RGS3: variants seen among roughly 807,000 people sequenced by gnomAD.
RGS3 encodes regulator of G protein signaling 3.
Under a neutral mutation model 132.6 loss-of-function variants are expected in RGS3, and 80 were observed. The observed-to-expected ratio is 0.60, with a 90% CI of 0.50 to 0.73. RGS3 has a LOEUF of 0.73. RGS3 is among the 30% of genes least tolerant of loss of function. The pLI, the probability that RGS3 is intolerant of heterozygous loss-of-function variation, is 0.00. For missense variants in RGS3, 1,382 were observed against 1,530.8 expected (o/e 0.90, Z 1.62); for synonymous variants, 598 against 620.6 (o/e 0.96, Z 0.54).
intron 19 of RGS3, among the ~76,000 whole-genome samples, chr9:113,539,623 G>A (rs565757115): frequency 2.0e-5 from 3 of 152,174 alleles, no homozygotes; most frequent in African/African-American, 7.2e-5. Flanking sequence ...GGAAAACACT[G>A]CCTAGACCCC....
rs531138472 is a variant in RGS3 at position 113,512,635 on chromosome 9, T to C, written c.1478-1823T>C. Among the ~76,000 whole-genome samples the C allele has an allele frequency of 2.0e-5, 3 of 152,244 alleles. No individual in the cohort carries two copies. The East Asian group carries it at 5.8e-4, about 29-fold the overall frequency. On this transcript the variant is annotated intron_variant, in intron 14 of 24. Transcript: ENST00000350696. ...GTTGGTGGGGAGCTTCCCTGAGGTA[T>C]AGCTGGGGTCAGGCCACCTGTTCCC...
intron 1 of RGS3, among the ~76,000 whole-genome samples, chr9:113,452,985 A>G (rs1829283592): frequency 7.5e-6 from 1 of 134,058 alleles, no homozygotes; most frequent in Non-Finnish European, 1.5e-5. Context: ...TATACATAAT[A>G]TATAATATAT....
In RGS3 at chr9:113,463,730, G is replaced by T; in HGVS notation, c.415+1529G>T. 1 of 1,513,446 alleles carries T rather than the reference G, an allele frequency of 6.6e-7. No homozygotes were observed. 93.8% of individuals were successfully genotyped at this position (1,513,446 alleles called of 1,614,324 possible). ...CCGCTCGCGCTCCTCCCGCCCTGGA[G>T]ACTCCGGTTACTGGGGAGCAACACA... is the stretch of plus-strand genomic sequence containing the variant. On this transcript the variant is annotated intron_variant, in intron 3 of 24. Coordinates refer to ENST00000350696, the Ensembl canonical transcript of RGS3. This position sits in a 1 kb window ranked among gnomAD's most constrained non-coding sequence, Gnocchi z 4.6.
In RGS3 at chr9:113,463,868, C is replaced by T. The variant is rs775997739; in HGVS notation, c.415+1667C>T. ...GTGCCCACCCGGACTTGTCCTTCTA[C>T]CTCACCACCTTTGGTAAGTGCCCGC... On this transcript the variant is annotated intron_variant, in intron 3 of 24. Coordinates refer to ENST00000350696, the Ensembl canonical transcript of RGS3. The surrounding 1 kb of genome is among the most constrained non-coding windows in gnomAD (Gnocchi z 4.6). The T allele has an allele frequency of 5.0e-6, 8 of 1,613,182 alleles. No individual in the cohort carries two copies. The highest frequency in any genetic ancestry group is 6.8e-6 in the Non-Finnish European group (8 of 1,179,810).
At chr9:113,559,967 C>T (rs1310755717) in intron 19 of RGS3, among the ~76,000 whole-genome samples, 2 of 152,228 alleles carry the variant, frequency 1.3e-5, no homozygotes, top group Admixed American at 1.3e-4. Flanking sequence ...GTGTACCAGG[C>T]ATTCCACATA....
At chr9:113,444,957 C>T (rs140808318) in intron 1 of RGS3, 1 of 152,274 alleles carries the variant, frequency 6.6e-6, no homozygotes, top group Non-Finnish European at 1.5e-5. Flanking sequence ...ATTTCCCCAC[C>T]ATCTGGGCCT....
At chr9:113,447,000 G>A (rs1007719620) in intron 1 of RGS3, among the ~76,000 whole-genome samples, 9 of 151,712 alleles carry the variant, frequency 5.9e-5, no homozygotes, top group Admixed American at 4.6e-4. Flanking sequence ...GGTGGCTCAC[G>A]CCTGTAATCC....
Position 113,463,645 on chromosome 9 carries a change from G to A in RGS3, c.415+1444G>A. 8.3e-7 allele frequency: 1 copy of A among 1,200,362 alleles called. No homozygotes were observed. The highest frequency in any genetic ancestry group is 1.0e-6 in the Non-Finnish European group (1 of 952,546). 74.4% of individuals were successfully genotyped at this position (1,200,362 alleles called of 1,614,324 possible). On this transcript the variant is annotated intron_variant, in intron 3 of 24. Coordinates refer to ENST00000350696, the Ensembl canonical transcript of RGS3. This position sits in a 1 kb window ranked among gnomAD's most constrained non-coding sequence, Gnocchi z 4.6. ...TGGAACTCTCCCCATTCAAACCCGC[G>A]CGGGCCAATCAGGGCCGGGCGCGCC... is the stretch of plus-strand genomic sequence containing the variant.
Position 113,463,877 on chromosome 9 carries a change from C to T in RGS3, c.415+1676C>T. 23 of 1,613,064 alleles carry T rather than the reference C, an allele frequency of 1.4e-5. No homozygotes were observed. The highest frequency in any genetic ancestry group is 1.9e-5 in the Non-Finnish European group (23 of 1,179,752). ...CGGACTTGTCCTTCTACCTCACCAC[C>T]TTTGGTAAGTGCCCGCTGGGGCTGG... On this transcript the variant is annotated intron_variant, in intron 3 of 24. Coordinates refer to ENST00000350696, the Ensembl canonical transcript of RGS3. The surrounding 1 kb of genome is among the most constrained non-coding windows in gnomAD (Gnocchi z 4.6).
At chr9:113,571,303 T>A (rs2118888683) in intron 19 of RGS3, among the ~76,000 whole-genome samples, 1 of 152,342 alleles carries the variant, frequency 6.6e-6, no homozygotes, top group South Asian at 2.1e-4. Context: ...TTGTAGAGAG[T>A]TAGCTTTAGT....
At position 113,506,114 on chromosome 9, in the gene RGS3, C is replaced by T. The variant is rs1831120051; in HGVS notation, c.980-274C>T. ...GGAGGCCCTGGGGAGGGGTAAGGGC[C>T]CGGGTAGAAGGGTGGACTGCAGAGA... On this transcript the variant is annotated intron_variant, in intron 11 of 24. Transcript: ENST00000350696. This position sits in a 1 kb window ranked among gnomAD's most constrained non-coding sequence, Gnocchi z 4.7. Among the ~76,000 whole-genome samples the T allele has an allele frequency of 6.6e-6, 1 of 151,810 alleles. No homozygotes were observed. Among genetic ancestry groups the T allele is most frequent in the African/African-American group, 2.4e-5 (1 of 41,288 alleles).
chr9:113,506,300 A>G lies in RGS3; in HGVS notation c.980-88A>G. The G allele has an allele frequency of 9.2e-6, 7 of 764,194 alleles. No homozygotes were observed. Among genetic ancestry groups the G allele is most frequent in the Non-Finnish European group, 1.6e-5 (7 of 451,502 alleles). 47.3% of individuals were successfully genotyped at this position (764,194 alleles called of 1,614,324 possible). ...AGAGAAAAAGGGAGGTCCTTGTCTGAGGTCACCATGGCAGCAAAGGACTCC... is the reference window on the plus strand; with the variant it reads ...AGAGAAAAAGGGAGGTCCTTGTCTGGGGTCACCATGGCAGCAAAGGACTCC... On this transcript the variant is annotated intron_variant, in intron 11 of 24. Coordinates refer to ENST00000350696, the Ensembl canonical transcript of RGS3. The surrounding 1 kb of genome is among the most constrained non-coding windows in gnomAD (Gnocchi z 4.7).
chr9:113,536,904 C>T (rs1832703971), exon 19 of RGS3: 1 of 1,613,888 alleles, frequency 6.2e-7, no homozygotes, highest in Non-Finnish European at 8.5e-7. Flanking sequence ...GGCAGCATCA[C>T]CCCCGGACAG....
chr9:113,559,373 C>T (rs1211443803), intron 19 of RGS3, among the ~76,000 whole-genome samples: 1 of 152,220 alleles, frequency 6.6e-6, no homozygotes, highest in Non-Finnish European at 1.5e-5. Context: ...TGAGCTGCTA[C>T]AGCTGCCCAA....
chr9:113,510,495 G>A (rs909216642), intron 14 of RGS3, among the ~76,000 whole-genome samples: 10 of 152,198 alleles, frequency 6.6e-5, no homozygotes, highest in African/African-American at 2.4e-4. Flanking sequence ...AGAACGACTT[G>A]GGTTGCCTCT....
chr9:113,523,976 A>C (rs1422458733), intron 17 of RGS3, among the ~76,000 whole-genome samples: 2 of 152,148 alleles, frequency 1.3e-5, no homozygotes, highest in Non-Finnish European at 2.9e-5. Flanking sequence ...CAACTTCTCC[A>C]TCTCGGGCTC....
At position 113,463,603 on chromosome 9, in the gene RGS3, A is replaced by AGCTCT; in HGVS notation, c.415+1407_415+1411dup. 2 of 535,164 alleles carry AGCTCT rather than the reference A, an allele frequency of 3.7e-6. No homozygotes were observed. The highest frequency in any genetic ancestry group is 5.3e-6 in the Non-Finnish European group (2 of 379,724). 33.2% of individuals were successfully genotyped at this position (535,164 alleles called of 1,614,324 possible). ...GGCGCCGCCTCCCCCACCCCGGCCC[A>AGCTCT]GCTCTGCTCCGGCAGGTGGAACTCT... On this transcript the variant is annotated intron_variant, in intron 3 of 24. Coordinates refer to ENST00000350696, the Ensembl canonical transcript of RGS3. This position sits in a 1 kb window ranked among gnomAD's most constrained non-coding sequence, Gnocchi z 4.6.
intron 20 of RGS3, among the ~76,000 whole-genome samples, chr9:113,590,263 A>T (rs1835347505): frequency 6.6e-6 from 1 of 152,162 alleles, no homozygotes; most frequent in Non-Finnish European, 1.5e-5. Flanking sequence ...TATCTGAATT[A>T]TGCCCCATCC....
chr9:113,536,171 C>T (rs762232894), intron 18 of RGS3, among the ~76,000 whole-genome samples: 2 of 152,224 alleles, frequency 1.3e-5, no homozygotes, highest in Non-Finnish European at 2.9e-5. Context: ...TGGGATGTTG[C>T]TGCCCTCGAG....
Sources: allele counts gnomAD v4.1 joint callset (sites outside exome capture counted in the v4.1 genomes callset), GRCh38; gene constraint gnomAD v4.1.1; non-coding constraint Gnocchi (gnomAD v3.1); transcripts MANE v1.5; gene names NCBI Gene and HGNC (gene_info 2026-07-23, HGNC 2026-07-21).